Variants in ERC2 observed in about 807,000 individuals in gnomAD.
ERC2 encodes ERC protein 2.
In ERC2, 42 loss-of-function variants were observed where a neutral mutation model predicts 114.8. That is an observed-to-expected ratio of 0.37 (90% confidence interval 0.29 to 0.47). The LOEUF is 0.47. ERC2 is among the 20% of genes least tolerant of loss of function. ERC2 has a pLI of 0.99. For missense variants in ERC2, 939 were observed against 1,150.7 expected (o/e 0.82, Z 2.66); for synonymous variants, 454 against 425.5 (o/e 1.07, Z -0.82).
At chr3:55,817,805 C>G (rs749175693) in intron 14 of ERC2, among the ~76,000 whole-genome samples, 9 of 152,208 alleles carry the variant, frequency 5.9e-5, no homozygotes, top group Non-Finnish European at 1.0e-4. Context: ...GAGCTCTGAA[C>G]AATATCTGGA....
chr3:55,689,891 C>G (rs1384116990), intron 16 of ERC2, among the ~76,000 whole-genome samples: 1 of 152,048 alleles, frequency 6.6e-6, no homozygotes, highest in Non-Finnish European at 1.5e-5. Context: ...CAAATTAAAC[C>G]CAAGAATGTA....
chr3:55,765,113 C>T (rs2067686261), intron 14 of ERC2, among the ~76,000 whole-genome samples: 1 of 152,174 alleles, frequency 6.6e-6, no homozygotes, highest in African/African-American at 2.4e-5. Flanking sequence ...GAGTCTCCTA[C>T]AAGTCCACAT....
At chr3:55,910,963 T>C (rs1358273025) in intron 13 of ERC2, among the ~76,000 whole-genome samples, 5 of 152,230 alleles carry the variant, frequency 3.3e-5, no homozygotes, top group African/African-American at 1.2e-4. Context: ...ATGCCAGGGA[T>C]GAGGGATGCA....
chr3:55,750,356 T>C (rs2066613175), intron 14 of ERC2, among the ~76,000 whole-genome samples: 1 of 152,220 alleles, frequency 6.6e-6, no homozygotes, highest in South Asian at 2.1e-4. Context: ...AAAGTTTTAT[T>C]ACACCCCTTG....
chr3:55,803,326 C>T (rs189770654), intron 14 of ERC2, among the ~76,000 whole-genome samples: 1 of 152,108 alleles, frequency 6.6e-6, no homozygotes, highest in East Asian at 1.9e-4. Context: ...CATGGCCTCC[C>T]TACCTCACAC....
intron 2 of ERC2, among the ~76,000 whole-genome samples, chr3:56,366,535 C>G (rs987867252): frequency 6.6e-6 from 1 of 152,210 alleles, no homozygotes; most frequent in Non-Finnish European, 1.5e-5. Flanking sequence ...TAAGTTAGCA[C>G]TGTGTCTGAT....
At chr3:56,300,893 G>C (rs1438493673) in intron 2 of ERC2, among the ~76,000 whole-genome samples, 1 of 152,190 alleles carries the variant, frequency 6.6e-6, no homozygotes, top group Non-Finnish European at 1.5e-5. Flanking sequence ...ATGGGGAGGG[G>C]AGAAGTAGTA....
intron 2 of ERC2, among the ~76,000 whole-genome samples, chr3:56,307,698 T>C (rs1294591057): frequency 1.3e-5 from 2 of 152,188 alleles, no homozygotes; most frequent in African/African-American, 4.8e-5. Context: ...GTTTCAATAG[T>C]GTTTCCCCAA....
chr3:56,053,517 C>G (rs1404113129), intron 7 of ERC2, among the ~76,000 whole-genome samples: 1 of 152,156 alleles, frequency 6.6e-6, no homozygotes. Context: ...AAAACATTTT[C>G]CTGATCTTTT....
intron 14 of ERC2, among the ~76,000 whole-genome samples, chr3:55,778,131 A>G (rs2068759470): frequency 6.6e-6 from 1 of 152,210 alleles, no homozygotes; most frequent in African/African-American, 2.4e-5. Flanking sequence ...AGTAGTACCT[A>G]TGATGTAAAT....
rs573208342 is a variant in ERC2, at chr3:55,784,538, T to C, written c.2565-49620A>G. Among the ~76,000 whole-genome samples, 316 of 152,342 alleles carry C rather than the reference T, an allele frequency of 2.1e-3. 1 individual carries two copies. Among genetic ancestry groups the C allele is most frequent in the Non-Finnish European group, 3.7e-3 (252 of 68,032 alleles). Reference sequence around the variant, plus strand: ...TTTATAGGAGCTCATAAATTATGCCTGTAGGTAAAACAGCCTCAACATGGT... The same window carrying C: ...TTTATAGGAGCTCATAAATTATGCCCGTAGGTAAAACAGCCTCAACATGGT... On this transcript the variant is annotated intron_variant, in intron 14 of 17. Transcript: ENST00000288221.
intron 2 of ERC2, among the ~76,000 whole-genome samples, chr3:56,397,511 T>C (rs2060356563): frequency 6.6e-6 from 1 of 152,214 alleles, no homozygotes; most frequent in Admixed American, 6.5e-5. Flanking sequence ...TGTAGCTTGC[T>C]TTTTTCCACT....
At chr3:55,962,520 A>G (rs562691208) in intron 12 of ERC2, among the ~76,000 whole-genome samples, 1 of 152,348 alleles carries the variant, frequency 6.6e-6, no homozygotes, top group Non-Finnish European at 1.5e-5. Context: ...TGTGGGCCTG[A>G]ATTTGCTGAA....
At chr3:56,262,259 G>A (rs2052989387) in intron 3 of ERC2, among the ~76,000 whole-genome samples, 1 of 152,120 alleles carries the variant, frequency 6.6e-6, no homozygotes, top group African/African-American at 2.4e-5. Flanking sequence ...TGAAGAGCAG[G>A]GGCCACATCA....
At chr3:56,019,078 T>C in intron 7 of ERC2, 47 bp from the exon 8 acceptor site, 5 of 1,441,074 alleles carry the variant, frequency 3.5e-6, no homozygotes, top group Non-Finnish European at 4.7e-6. Context: ...TTACATATCC[T>C]AGGCCAAAAT....
At chr3:55,673,506 C>T (rs2148743390) in intron 17 of ERC2, among the ~76,000 whole-genome samples, 1 of 152,282 alleles carries the variant, frequency 6.6e-6, no homozygotes, top group Non-Finnish European at 1.5e-5. Flanking sequence ...TCACTTGAAC[C>T]TGGGAGACGG....
chr3:56,219,688 A>G (rs1263700917), intron 3 of ERC2, among the ~76,000 whole-genome samples: 1 of 151,666 alleles, frequency 6.6e-6, no homozygotes, highest in African/African-American at 2.4e-5. Context: ...AAAAAAAAAA[A>G]AAAGAAATGG....
intron 2 of ERC2, among the ~76,000 whole-genome samples, chr3:56,359,802 G>A (rs1030171332): frequency 2.6e-5 from 4 of 152,208 alleles, no homozygotes; most frequent in African/African-American, 9.7e-5. Flanking sequence ...AAGGAAGCAA[G>A]AGAGAGAGGA....
chr3:56,068,455 G>A (rs2076580526), intron 7 of ERC2, among the ~76,000 whole-genome samples: 1 of 151,654 alleles, frequency 6.6e-6, no homozygotes, highest in Non-Finnish European at 1.5e-5. Context: ...CTAGCTAGTG[G>A]TCCATTTTAT....
Sources: gnomAD v4.1 joint callset for allele counts (sites outside exome capture counted in the v4.1 genomes callset) on GRCh38, gnomAD v4.1.1 for gene constraint, MANE v1.5 for transcripts, NCBI Gene and HGNC (gene_info 2026-07-23, HGNC 2026-07-21) for gene names.